The following XPR1 variants were observed in gnomAD, a reference collection of about 807,000 sequenced individuals.
The protein encoded by XPR1 is solute carrier family 53 member 1.
XPR1 carries 28 observed loss-of-function variants against 87.5 expected under a neutral mutation model. The observed-to-expected ratio is 0.32, with a 90% CI of 0.24 to 0.44. The LOEUF is 0.44. XPR1 is among the 20% of genes least tolerant of loss of function. The pLI, the probability that XPR1 is intolerant of heterozygous loss-of-function variation, is 1.00. For missense variants in XPR1, 559 were observed against 862.3 expected (o/e 0.65, Z 4.41); for synonymous variants, 300 against 306.1 (o/e 0.98, Z 0.21).
rs60527318 is a variant in XPR1 at position 180,661,476 on chromosome 1, C to CGTGTGT, written c.70-20846_70-20841dup. Among the ~76,000 whole-genome samples, 1,047 of 142,422 alleles carry CGTGTGT rather than the reference C, an allele frequency of 7.4e-3. 19 individuals are homozygous for CGTGTGT. Among genetic ancestry groups the CGTGTGT allele is most frequent in the African/African-American group, 0.026 (977 of 37,592 alleles). 93.4% of individuals were successfully genotyped at this position (142,422 alleles called of 152,430 possible). ...TCTCTGCTGGTATGTTTTAATTTTT[C>CGTGTGT]GTGTGTGTGTGTGTGTGTGTGTGTG... On this transcript the variant is annotated intron_variant, in intron 1 of 14. Coordinates refer to ENST00000367590, the MANE Select transcript of XPR1 (RefSeq NM_004736.4).
At position 180,714,633 on chromosome 1, in the gene XPR1, G is replaced by C. The variant is rs1430001893; in HGVS notation, c.121+32222G>C. On this transcript the variant is annotated intron_variant, in intron 2 of 14. Coordinates refer to ENST00000367590, the MANE Select transcript of XPR1 (RefSeq NM_004736.4). The stretch of plus-strand genomic sequence containing the variant: ...TTGCCCAGCCTGGTCTTGAACTCCT[G>C]GGCTCAAGGGGTCCTCCTGCCTTGG... Among the ~76,000 whole-genome samples the C allele has an allele frequency of 2.1e-4, 32 of 152,116 alleles. 1 individual carries two copies. Among genetic ancestry groups the C allele is most frequent in the African/African-American group, 7.2e-4 (30 of 41,472 alleles).
At chr1:180,794,381 C>T (rs1333849067) in intron 3 of XPR1, among the ~76,000 whole-genome samples, 1 of 152,136 alleles carries the variant, frequency 6.6e-6, no homozygotes, top group African/African-American at 2.4e-5. Context: ...TGTTCTGTGG[C>T]ACTACGACTG....
In XPR1 at chr1:180,880,278, C is replaced by A. The variant is rs377180032; in HGVS notation, c.2011C>A (p.Arg671=). Residue 671 remains arginine (R), a synonymous_variant, in exon 14 of 15, where the codon CGG becomes AGG. Transcript: ENST00000367590. ...WKYNQSISLR[R]PRLASQSKAR... ...GTACAACCAGAGCATATCCCTGCGC[C>A]GGCCTCGCCTCGCTTCTCAGTATGT... The A allele has an allele frequency of 2.5e-6, 4 of 1,614,162 alleles. No individual in the cohort carries two copies. The highest frequency in any genetic ancestry group is 3.4e-6 in the Non-Finnish European group (4 of 1,180,028).
chr1:180,831,362 C>CTTTTTCTTT (rs1553252332), intron 9 of XPR1, among the ~76,000 whole-genome samples: 15 of 115,492 alleles, frequency 1.3e-4, no homozygotes, highest in Non-Finnish European at 1.9e-4. Flanking sequence ...TTTTCTTTTT[C>CTTTTTCTTT]TTTTTTTTTT....
intron 1 of XPR1, among the ~76,000 whole-genome samples, chr1:180,649,269 C>CAA (rs59314765): frequency 9.2e-4 from 130 of 140,744 alleles, no homozygotes; most frequent in African/African-American, 3.2e-3. Context: ...ACTAAAAATA[C>CAA]AAAAAAAAAA....
intron 2 of XPR1, among the ~76,000 whole-genome samples, chr1:180,772,977 A>G (rs895720033): frequency 2.6e-5 from 4 of 152,194 alleles, no homozygotes; most frequent in African/African-American, 9.6e-5. Context: ...CTATCACTCT[A>G]TCATACAAAT....
At chr1:180,675,917 T>C (rs1656354757) in intron 1 of XPR1, among the ~76,000 whole-genome samples, 1 of 152,192 alleles carries the variant, frequency 6.6e-6, no homozygotes, top group Admixed American at 6.5e-5. Context: ...TGGAGTTCTT[T>C]TAGAGATCAT....
At position 180,842,867 on chromosome 1, in the gene XPR1, T is replaced by A. The variant is rs554102188; in HGVS notation, c.1501+6151T>A. ...TCTTTGTTACTCTTTGATTTTGTAT[T>A]TTACTTTAGACTTTTTGTTAGTGTT... On this transcript the variant is annotated intron_variant, in intron 11 of 14. Transcript: ENST00000367590. 2.0e-5 allele frequency among the ~76,000 whole-genome samples: 3 copies of A among 152,364 alleles called. No homozygotes were observed. The East Asian group carries it at 5.8e-4, about 29-fold the overall frequency.
intron 2 of XPR1, among the ~76,000 whole-genome samples, chr1:180,739,569 G>A (rs962214210): frequency 6.6e-6 from 1 of 152,146 alleles, no homozygotes; most frequent in Non-Finnish European, 1.5e-5. Flanking sequence ...ATTATGGAAA[G>A]TGTCTCCATT....
intron 13 of XPR1, among the ~76,000 whole-genome samples, chr1:180,877,627 T>A (rs1256363127): frequency 1.3e-5 from 2 of 152,220 alleles, no homozygotes; most frequent in Non-Finnish European, 2.9e-5. Context: ...TGTATGGTAA[T>A]GTATTTCATA....
At chr1:180,739,326 T>C (rs1281205044) in intron 2 of XPR1, among the ~76,000 whole-genome samples, 15 of 152,226 alleles carry the variant, frequency 9.9e-5, no homozygotes, top group African/African-American at 2.4e-4. Flanking sequence ...ACTTTATTGT[T>C]TTTCAAAAAT....
At chr1:180,691,940 T>C (rs1657007152) in intron 2 of XPR1, among the ~76,000 whole-genome samples, 1 of 152,212 alleles carries the variant, frequency 6.6e-6, no homozygotes, top group Non-Finnish European at 1.5e-5. Context: ...ATTTATAGGA[T>C]TACTGTCAAA....
intron 9 of XPR1, among the ~76,000 whole-genome samples, chr1:180,830,379 G>C (rs1651012988): frequency 6.6e-6 from 1 of 152,114 alleles, no homozygotes; most frequent in Admixed American, 6.6e-5. Context: ...ATGTCTCAAA[G>C]CCTGTATGAT....
intron 2 of XPR1, among the ~76,000 whole-genome samples, chr1:180,748,392 A>G (rs1282886278): frequency 1.5e-5 from 1 of 67,642 alleles, no homozygotes; most frequent in Non-Finnish European, 3.4e-5. Flanking sequence ...CTGTGTTATT[A>G]TTTATGTCTT....
At chr1:180,816,170 TC>T (rs1650400871) in intron 7 of XPR1, among the ~76,000 whole-genome samples, 2 of 152,316 alleles carry the variant, frequency 1.3e-5, no homozygotes, top group South Asian at 4.1e-4. Flanking sequence ...GACAATTTTT[TC>T]ACTGGGCTGG....
chr1:180,809,167 C>G (rs994165221), intron 6 of XPR1, among the ~76,000 whole-genome samples: 33 of 152,018 alleles, frequency 2.2e-4, no homozygotes, highest in Non-Finnish European at 1.9e-4. Flanking sequence ...AAGGTACCTA[C>G]TATATGATAT....
intron 2 of XPR1, among the ~76,000 whole-genome samples, chr1:180,694,202 C>G (rs1444124791): frequency 6.6e-6 from 1 of 152,174 alleles, no homozygotes; most frequent in African/African-American, 2.4e-5. Context: ...TCAAGCGATC[C>G]TCTTGCCTGG....
intron 2 of XPR1, among the ~76,000 whole-genome samples, chr1:180,785,984 C>A (rs917274764): frequency 6.6e-6 from 1 of 150,874 alleles, no homozygotes; most frequent in African/African-American, 2.4e-5. Flanking sequence ...AAAGAGAAAG[C>A]TGTGACCTGC....
chr1:180,731,892 C>G (rs2102011827), intron 2 of XPR1, among the ~76,000 whole-genome samples: 1 of 152,162 alleles, frequency 6.6e-6, no homozygotes, highest in Non-Finnish European at 1.5e-5. Context: ...TTTAAAATGC[C>G]TTTTGAAATG....
Sources: gnomAD v4.1 joint callset for allele counts (sites outside exome capture counted in the v4.1 genomes callset) on GRCh38, gnomAD v4.1.1 for gene constraint, MANE v1.5 for transcripts, NCBI Gene and HGNC (gene_info 2026-07-23, HGNC 2026-07-21) for gene names.